The following EYS variants were observed in gnomAD, a reference collection of about 807,000 sequenced individuals.
The protein encoded by EYS is EGF-like photoreceptor maintenance factor.
In EYS, 250 loss-of-function variants were observed where a neutral mutation model predicts 282.1. The ratio of observed to expected loss-of-function variants is 0.89; its 90% confidence interval spans 0.80 to 0.98. The LOEUF (loss-of-function observed/expected upper bound fraction) is 0.98. EYS is among the 50% of genes least tolerant of loss of function. The pLI is 0.00. For synonymous variants in EYS, 1,355 were observed against 1,282.9 expected, an observed-to-expected ratio of 1.06 and a Z score of -1.20; for missense variants, 4,016 against 3,709.0, an observed-to-expected ratio of 1.08 and a Z score of -2.15.
chr6:64,268,855 CTTCT>C (rs1767849959), intron 30 of EYS, among the ~76,000 whole-genome samples: 1 of 152,126 alleles, frequency 6.6e-6, no homozygotes, highest in African/African-American at 2.4e-5. Flanking sequence ...TGGTTTAGCT[CTTCT>C]TTCTCTTTGG....
intron 12 of EYS, among the ~76,000 whole-genome samples, chr6:65,213,031 AT>A (rs1420205130): frequency 3.3e-5 from 5 of 150,918 alleles, no homozygotes; most frequent in African/African-American, 4.9e-5. Context: ...GTTTTTCTTT[AT>A]TTTTTTTTCC....
At chr6:64,779,814 A>C (rs2149992595) in intron 22 of EYS, among the ~76,000 whole-genome samples, 1 of 152,298 alleles carries the variant, frequency 6.6e-6, no homozygotes, top group Admixed American at 6.5e-5. Context: ...AAGAGCTATA[A>C]ATTAAACATT....
intron 26 of EYS, among the ~76,000 whole-genome samples, chr6:64,505,906 C>T (rs1375552577): frequency 6.6e-6 from 1 of 152,170 alleles, no homozygotes; most frequent in East Asian, 1.9e-4. Flanking sequence ...GAAGGCACCT[C>T]AGTATGCTGA....
At chr6:64,052,700 C>T (rs1374401848) in intron 33 of EYS, among the ~76,000 whole-genome samples, 1 of 152,046 alleles carries the variant, frequency 6.6e-6, no homozygotes, top group East Asian at 1.9e-4. Context: ...AAGGGCGGGA[C>T]CAGGTGGAGG....
At chr6:65,564,365 T>C (rs902205528) in intron 2 of EYS, among the ~76,000 whole-genome samples, 3 of 152,146 alleles carry the variant, frequency 2.0e-5, no homozygotes, top group Non-Finnish European at 2.9e-5. Context: ...GCTCCCTGAC[T>C]TCAAACTATC....
intron 33 of EYS, among the ~76,000 whole-genome samples, chr6:64,035,494 G>C (rs188838850): frequency 1.3e-5 from 2 of 152,156 alleles, no homozygotes; most frequent in Admixed American, 1.3e-4. Flanking sequence ...ATCAGAGCCA[G>C]GTCTTGCAAA....
chr6:64,848,734 A>T (rs1765791544), intron 19 of EYS, among the ~76,000 whole-genome samples: 1 of 152,072 alleles, frequency 6.6e-6, no homozygotes, highest in Non-Finnish European at 1.5e-5. Context: ...ATAGGAGAGA[A>T]TGATAAATTT....
At chr6:64,203,245 A>T (rs1765516498) in intron 31 of EYS, among the ~76,000 whole-genome samples, 1 of 152,162 alleles carries the variant, frequency 6.6e-6, no homozygotes, top group African/African-American at 2.4e-5. Flanking sequence ...TAGCCAATGG[A>T]CTCAGTGTCT....
chr6:63,812,353 TG>T (rs1456973843), intron 36 of EYS, among the ~76,000 whole-genome samples: 6 of 152,064 alleles, frequency 3.9e-5, no homozygotes, highest in African/African-American at 1.4e-4. Context: ...CTCGCTCAGG[TG>T]TTCTCTCCTC....
At chr6:64,556,442 A>C (rs1413438503) in intron 26 of EYS, among the ~76,000 whole-genome samples, 4 of 152,104 alleles carry the variant, frequency 2.6e-5, no homozygotes, top group South Asian at 2.1e-4. Flanking sequence ...TATCAGGATA[A>C]AAATACTATC....
chr6:65,509,862 T>C (rs1344524140), intron 2 of EYS, among the ~76,000 whole-genome samples: 2 of 152,292 alleles, frequency 1.3e-5, no homozygotes, highest in East Asian at 3.9e-4. Context: ...AAGTGACTTC[T>C]TCTAGATGTT....
At chr6:65,283,999 A>G (rs1461290713) in intron 12 of EYS, among the ~76,000 whole-genome samples, 1 of 151,814 alleles carries the variant, frequency 6.6e-6, no homozygotes, top group Admixed American at 6.6e-5. Flanking sequence ...AACTCGATTG[A>G]CTGAATGTTA....
At position 63,721,617 on chromosome 6, in the gene EYS, G is replaced by A. The variant is rs752557263; in HGVS notation, c.8414C>T (p.Thr2805Ile). 1.3e-6 allele frequency: 2 copies of A among 1,551,194 alleles called. No homozygotes were observed. Among genetic ancestry groups the A allele is most frequent in the Admixed American group, 3.9e-5 (2 of 50,966 alleles). The change falls in exon 43 of 43, where the codon ACA becomes ATA. Residue 2805 changes from threonine to isoleucine, a missense_variant. Transcript: ENST00000503581. ...ACTCATTTTAGTGGAGGCCTTTTCT[G>A]TTACATTTATCCCATCTAGATCCAG... ...GYLDLDGINV[T>I]EKASTKMSSL...
At chr6:65,487,417 A>G (rs78344429) in intron 5 of EYS, among the ~76,000 whole-genome samples, 1 of 152,202 alleles carries the variant, frequency 6.6e-6, no homozygotes, top group Non-Finnish European at 1.5e-5. Context: ...CCTTTTCTGC[A>G]TCTATTGAGA....
At chr6:63,934,310 A>T (rs558625274) in intron 35 of EYS, among the ~76,000 whole-genome samples, 122 of 152,308 alleles carry the variant, frequency 8.0e-4, no homozygotes, top group Non-Finnish European at 1.1e-3. Context: ...GGGACTGTAA[A>T]CTAGTTCAAC....
At chr6:64,731,838 T>C (rs1771980338) in intron 22 of EYS, among the ~76,000 whole-genome samples, 1 of 152,138 alleles carries the variant, frequency 6.6e-6, no homozygotes, top group Non-Finnish European at 1.5e-5. Flanking sequence ...TATAAATCAT[T>C]ATACTAAAGA....
chr6:63,905,026 A>G (rs1773740946), intron 35 of EYS, among the ~76,000 whole-genome samples: 1 of 152,208 alleles, frequency 6.6e-6, no homozygotes, highest in Admixed American at 6.5e-5. Context: ...CCCAAAGGAA[A>G]CACCATGCCC....
intron 36 of EYS, among the ~76,000 whole-genome samples, chr6:63,850,029 T>C (rs923928500): frequency 5.3e-5 from 8 of 152,130 alleles, no homozygotes; most frequent in Non-Finnish European, 1.0e-4. Flanking sequence ...TCATGAAGCA[T>C]ACACAAGTAT....
At chr6:65,642,031 A>G (rs1767291939) in intron 1 of EYS, among the ~76,000 whole-genome samples, 2 of 152,104 alleles carry the variant, frequency 1.3e-5, no homozygotes, top group African/African-American at 4.8e-5. Flanking sequence ...CTAGATTGTA[A>G]AGTCCTTATA....
Sources: allele counts gnomAD v4.1 joint callset (sites outside exome capture counted in the v4.1 genomes callset), GRCh38; gene constraint gnomAD v4.1.1; transcripts MANE v1.5; gene names NCBI Gene and HGNC (gene_info 2026-07-23, HGNC 2026-07-21).